The following TENM2 variants were observed in gnomAD, a reference collection of about 807,000 sequenced individuals.
TENM2 encodes the protein teneurin transmembrane protein 2, also known as teneurin-2.
TENM2 carries 52 observed loss-of-function variants against 245.2 expected under a neutral mutation model. The observed-to-expected ratio is 0.21, with a 90% CI of 0.17 to 0.27. TENM2 has a LOEUF of 0.27. Ranked by LOEUF, TENM2 falls within the 10% of genes least tolerant of loss-of-function variation. The probability of loss-of-function intolerance (pLI) is 1.00; values close to 1 mark genes in which losing one functional copy is unlikely to be tolerated. For synonymous variants in TENM2, 1,363 were observed against 1,438.9 expected (o/e 0.95, Z 1.19); for missense variants, 3,046 against 3,666.8 (o/e 0.83, Z 4.37).
intron 1 of TENM2, among the ~76,000 whole-genome samples, chr5:167,328,756 A>G (rs1757248175): frequency 6.6e-6 from 1 of 152,064 alleles, no homozygotes; most frequent in African/African-American, 2.4e-5. Context: ...GCACCTAAAC[A>G]GTGAGGTCTT....
chr5:167,610,638 T>G (rs1320433582), intron 2 of TENM2, among the ~76,000 whole-genome samples: 4 of 152,206 alleles, frequency 2.6e-5, no homozygotes, highest in African/African-American at 9.6e-5. Context: ...CCAAGTACTA[T>G]AATAAGCTAG....
chr5:167,368,497 A>C (rs1299558536), intron 1 of TENM2, among the ~76,000 whole-genome samples: 1 of 152,134 alleles, frequency 6.6e-6, no homozygotes, highest in Non-Finnish European at 1.5e-5. Flanking sequence ...TTATTTAAAT[A>C]ATTATCAAGT....
chr5:168,021,247 G>A (rs73803835), intron 5 of TENM2, among the ~76,000 whole-genome samples: 3,075 of 152,286 alleles, frequency 0.02, 91 homozygotes, highest in African/African-American at 0.069. Flanking sequence ...GCACTTCTTA[G>A]GCATGAGGGC....
chr5:167,445,336 T>TATATATATATATATATAGAGAGAG (rs368881390), intron 2 of TENM2, among the ~76,000 whole-genome samples: 4 of 77,298 alleles, frequency 5.2e-5, no homozygotes, highest in African/African-American at 2.2e-4. Context: ...TATATATATA[T>TATATATATATATATATAGAGAGAG]AGAGAGAGAG....
the TENM2 span, among the ~76,000 whole-genome samples, chr5:167,105,323 C>T: frequency 6.6e-6 from 1 of 152,138 alleles, no homozygotes; most frequent in African/African-American, 2.4e-5. Flanking sequence ...GATATTATCA[C>T]CCCATTACTG....
chr5:167,995,562 C>A (rs1783992242), intron 5 of TENM2, among the ~76,000 whole-genome samples: 2 of 152,108 alleles, frequency 1.3e-5, no homozygotes, highest in African/African-American at 4.8e-5. Flanking sequence ...CCGAGGTGAC[C>A]GCAGGTCTGC....
chr5:167,922,727 C>T (rs908723807), intron 3 of TENM2, among the ~76,000 whole-genome samples: 1 of 152,214 alleles, frequency 6.6e-6, no homozygotes, highest in Non-Finnish European at 1.5e-5. Flanking sequence ...ATCCTGTGAA[C>T]ACCAACCCAT....
the TENM2 span, among the ~76,000 whole-genome samples, chr5:166,996,322 G>T: frequency 3.3e-5 from 5 of 152,150 alleles, no homozygotes; most frequent in Admixed American, 6.5e-5. Flanking sequence ...CAGCCTGGGC[G>T]ACAGAGTGAG....
intron 12 of TENM2, among the ~76,000 whole-genome samples, chr5:168,140,801 A>T (rs1755477016): frequency 6.6e-6 from 1 of 152,162 alleles, no homozygotes. Context: ...ATAAAATTAC[A>T]ACTGTGAAGT....
Position 167,872,296 on chromosome 5 carries a change from T to TAGAAAGAAAGAA in TENM2, c.503-3643_503-3632dup, listed in dbSNP as rs56684638. Among the ~76,000 whole-genome samples the TAGAAAGAAAGAA allele has an allele frequency of 4.0e-3, 415 of 104,572 alleles. 2 individuals are homozygous for TAGAAAGAAAGAA. The highest frequency in any genetic ancestry group is 0.013 in the Middle Eastern group (3 of 226). The allele number at this position is 104,572 out of a possible 152,430, so 68.6% of individuals were successfully genotyped here. A position where few individuals can be genotyped will look rare whatever the true frequency, so the allele number is the denominator to read the frequency against. ...AAAAAGAAAAAAAGAAAGAGAAAGA[T>TAGAAAGAAAGAA]AGAAAGAAAGAAAGAAAGAAAGAAA... On this transcript the variant is annotated intron_variant, in intron 2 of 28. Transcript: ENST00000518659.
intron 2 of TENM2, among the ~76,000 whole-genome samples, chr5:167,460,950 C>T (rs562332111): frequency 6.6e-6 from 1 of 152,286 alleles, no homozygotes; most frequent in African/African-American, 2.4e-5. Flanking sequence ...AAATTGTAAA[C>T]TCCACTTTGG....
rs5873049 is a variant in TENM2 at position 167,609,488 on chromosome 5, C to CAAAAAAAAA, written c.502+234031_502+234039dup. 4.0e-3 allele frequency among the ~76,000 whole-genome samples: 148 copies of CAAAAAAAAA among 36,700 alleles called. 4 individuals are homozygous for CAAAAAAAAA. Among genetic ancestry groups the CAAAAAAAAA allele is most frequent in the East Asian group, 0.027 (23 of 854 alleles). The allele number at this position is 36,700 out of a possible 152,430, so 24.1% of individuals were successfully genotyped here. ...TGCCTTTTTTCTTTGCCTGATGATGCAAAAAAAAAAAAAAAAAAAAAAAAC... is the reference window on the plus strand; with the variant it reads ...TGCCTTTTTTCTTTGCCTGATGATGCAAAAAAAAAAAAAAAAAAAAAAAAAAAAAAAAAC... On this transcript the variant is annotated intron_variant, in intron 2 of 28. Transcript: ENST00000518659.
the TENM2 span, among the ~76,000 whole-genome samples, chr5:167,240,553 G>A: frequency 1.1e-4 from 17 of 152,158 alleles, no homozygotes; most frequent in African/African-American, 4.1e-4. Flanking sequence ...GCTGATAACA[G>A]AAAAGAGCAG....
At chr5:167,812,612 T>C (rs185921582) in intron 2 of TENM2, among the ~76,000 whole-genome samples, 1 of 152,310 alleles carries the variant, frequency 6.6e-6, no homozygotes, top group Non-Finnish European at 1.5e-5. Flanking sequence ...CCAGCCTGAG[T>C]GTGTATCCTG....
At chr5:167,486,202 A>G (rs1246884012) in intron 2 of TENM2, among the ~76,000 whole-genome samples, 1 of 152,188 alleles carries the variant, frequency 6.6e-6, no homozygotes, top group Non-Finnish European at 1.5e-5. Flanking sequence ...AACATCTGCC[A>G]TACTCCAGAA....
chr5:168,247,983 C>T lies in TENM2; in HGVS notation c.7044C>T (p.Tyr2348=), dbSNP rs73391717. The change falls in exon 27 of 29, where the codon TAC becomes TAT. Residue 2348 remains tyrosine (Y), a synonymous_variant. Coordinates refer to ENST00000518659, the Ensembl canonical transcript of TENM2. The surrounding 1 kb of genome is among the most constrained non-coding windows in gnomAD (Gnocchi z 7.8). ...ACTCGGAGATTACCTCACTGTACTA[C>T]GACCTCCAGGGCCACCTCTTTGCCA... 0.014 allele frequency: 23,232 copies of T among 1,613,890 alleles called. 840 individuals carry two copies. Among genetic ancestry groups the T allele is most frequent in the African/African-American group, 0.13 (9,926 of 74,976 alleles).
the TENM2 span, among the ~76,000 whole-genome samples, chr5:167,267,350 T>C: frequency 6.6e-6 from 1 of 152,186 alleles, no homozygotes; most frequent in African/African-American, 2.4e-5. Flanking sequence ...TTTTGATGAC[T>C]TCTTTGAGCC....
the TENM2 span, among the ~76,000 whole-genome samples, chr5:167,042,351 C>T: frequency 6.6e-6 from 1 of 152,132 alleles, no homozygotes; most frequent in South Asian, 2.1e-4. Flanking sequence ...AGTAGCATCA[C>T]GTTTGTATCT....
chr5:167,854,769 A>G (rs113067332), intron 2 of TENM2, among the ~76,000 whole-genome samples: 3 of 152,298 alleles, frequency 2.0e-5, no homozygotes, highest in African/African-American at 7.2e-5. Context: ...ATGTATATTC[A>G]TGAACCATTT....
Sources: allele counts gnomAD v4.1 joint callset (sites outside exome capture counted in the v4.1 genomes callset), GRCh38; gene constraint gnomAD v4.1.1; non-coding constraint Gnocchi (gnomAD v3.1); transcripts MANE v1.5; gene names NCBI Gene and HGNC (gene_info 2026-07-23, HGNC 2026-07-21).